The following TRDN variants were observed in gnomAD, a reference collection of about 807,000 sequenced individuals.
TRDN encodes triadin.
In TRDN, 161 loss-of-function variants were observed where a neutral mutation model predicts 149.7. The observed-to-expected ratio is 1.08, with a 90% CI of 0.95 to 1.23. The LOEUF is 1.23. Among genes scored for constraint, TRDN ranks in the 50% most tolerant of loss-of-function variants. TRDN has a pLI of 0.00. For synonymous variants in TRDN, 294 were observed against 250.5 expected, an observed-to-expected ratio of 1.17 and a Z score of -1.64; for missense variants, 896 against 823.5, an observed-to-expected ratio of 1.09 and a Z score of -1.08.
chr6:123,278,912 C>T, intron 25 of TRDN, 144 bp downstream of exon 25: 1 of 611,988 alleles, frequency 1.6e-6, no homozygotes, highest in Non-Finnish European at 2.5e-6. Context: ...AAAATGAGTA[C>T]ATTGTCTACA....
chr6:123,404,230 T>C (rs1773099260), intron 12 of TRDN, among the ~76,000 whole-genome samples: 1 of 152,184 alleles, frequency 6.6e-6, no homozygotes, highest in Non-Finnish European at 1.5e-5. Context: ...TGTACTGTGA[T>C]AGATGCCACA....
chr6:123,286,288 C>A (rs1777801053), intron 24 of TRDN, among the ~76,000 whole-genome samples: 4 of 151,988 alleles, frequency 2.6e-5, no homozygotes, highest in East Asian at 1.9e-4. Flanking sequence ...GCTCATCAAC[C>A]AATGAGTTGA....
At chr6:123,388,416 C>A (rs1007795746) in intron 14 of TRDN, 106 bp downstream of exon 14, 3 of 1,264,460 alleles carry the variant, frequency 2.4e-6, no homozygotes, top group East Asian at 5.1e-5. Flanking sequence ...CATAATAGAT[C>A]CAGTTATCCA....
At chr6:123,565,510 A>G (rs1208382776) in intron 2 of TRDN, among the ~76,000 whole-genome samples, 1 of 152,208 alleles carries the variant, frequency 6.6e-6, no homozygotes. Context: ...AAGACTTTGC[A>G]CACTGTCAAA....
intron 9 of TRDN, among the ~76,000 whole-genome samples, chr6:123,472,048 G>A (rs909774935): frequency 5.3e-5 from 8 of 152,268 alleles, no homozygotes; most frequent in East Asian, 1.9e-4. Flanking sequence ...TCTAACAAAG[G>A]TCATGCATTG....
intron 1 of TRDN, among the ~76,000 whole-genome samples, chr6:123,614,304 A>AC (rs1402728362): frequency 4.8e-5 from 7 of 146,680 alleles, no homozygotes; most frequent in African/African-American, 1.1e-4. Context: ...AAAAAACAAA[A>AC]AAAAAAAAAA....
At chr6:123,498,584 GA>G (rs775655951) in intron 8 of TRDN, 4 of 470,972 alleles carry the variant, frequency 8.5e-6, no homozygotes, top group South Asian at 6.2e-5. Context: ...TCCATGCATT[GA>G]TTTGCCCTTT....
chr6:123,224,402 C>T (rs576198747), intron 38 of TRDN, among the ~76,000 whole-genome samples: 50 of 151,762 alleles, frequency 3.3e-4, no homozygotes, highest in Non-Finnish European at 6.3e-4. Context: ...CCAACACCCA[C>T]CCCCAGGTTT....
intron 2 of TRDN, among the ~76,000 whole-genome samples, chr6:123,564,406 G>A (rs1452383364): frequency 5.9e-5 from 9 of 152,204 alleles, no homozygotes; most frequent in Non-Finnish European, 1.3e-4. Flanking sequence ...ATTCGTGTGT[G>A]TGTGTGTATA....
chr6:123,623,213 T>C (rs1785485593), intron 1 of TRDN, among the ~76,000 whole-genome samples: 1 of 152,062 alleles, frequency 6.6e-6, no homozygotes, highest in Admixed American at 6.6e-5. Flanking sequence ...AAGTAGCAAA[T>C]TGAGGCAAAC....
chr6:123,432,692 A>C (rs924104150), intron 12 of TRDN, among the ~76,000 whole-genome samples: 5 of 151,988 alleles, frequency 3.3e-5, no homozygotes, highest in Non-Finnish European at 7.4e-5. Flanking sequence ...TCCCATTCCA[A>C]CCTGACTTTA....
intron 38 of TRDN, among the ~76,000 whole-genome samples, chr6:123,250,468 T>G (rs1776335050): frequency 6.6e-6 from 1 of 152,138 alleles, no homozygotes; most frequent in African/African-American, 2.4e-5. Flanking sequence ...TTGTTTAGTT[T>G]CAAATATATA....
Position 123,224,863 on chromosome 6 carries a change from A to T in TRDN, c.1976-732T>A, listed in dbSNP as rs144489538. ...TTGGCAATGATTTTATGAATCTGAC[A>T]CTAAAAGTATAGGCAACAAAAGCAA... On this transcript the variant is annotated intron_variant, in intron 38 of 40. Coordinates refer to ENST00000334268, the MANE Select transcript of TRDN (RefSeq NM_006073.4). Among the ~76,000 whole-genome samples, 658 of 151,870 alleles carry T rather than the reference A, an allele frequency of 4.3e-3. 3 individuals carry two copies. Among genetic ancestry groups the T allele is most frequent in the Non-Finnish European group, 6.7e-3 (452 of 67,810 alleles).
At chr6:123,540,763 C>T (rs912910164) in intron 4 of TRDN, among the ~76,000 whole-genome samples, 1 of 152,108 alleles carries the variant, frequency 6.6e-6, no homozygotes, top group Admixed American at 6.5e-5. Flanking sequence ...CGTGATCTGC[C>T]CGCCTCGGCC....
intron 1 of TRDN, among the ~76,000 whole-genome samples, chr6:123,586,116 A>C (rs1292467938): frequency 6.6e-6 from 1 of 152,152 alleles, no homozygotes; most frequent in Non-Finnish European, 1.5e-5. Context: ...GAAAGAGTCT[A>C]AATGCTCACT....
intron 9 of TRDN, among the ~76,000 whole-genome samples, chr6:123,479,205 A>C (rs978865857): frequency 6.6e-6 from 1 of 152,162 alleles, no homozygotes; most frequent in Admixed American, 6.5e-5. Flanking sequence ...ACTTTAACTT[A>C]TATATTTGTG....
rs116039424 is a variant in TRDN at position 123,306,354 on chromosome 6, A to T, written c.1510+10103T>A. 1.0e-3 allele frequency among the ~76,000 whole-genome samples: 159 copies of T among 152,258 alleles called. 1 individual carries two copies. The highest frequency in any genetic ancestry group is 3.7e-3 in the African/African-American group (153 of 41,562). ...TCATCTTGGCATGAAGGGATAATTAAGCCTAACTGTAAAATGATTGATTAG... is the reference window on the plus strand; with the variant it reads ...TCATCTTGGCATGAAGGGATAATTATGCCTAACTGTAAAATGATTGATTAG... On this transcript the variant is annotated intron_variant, in intron 24 of 40. Transcript: ENST00000334268.
chr6:123,563,508 A>G (rs1782109716), intron 2 of TRDN, among the ~76,000 whole-genome samples: 1 of 152,172 alleles, frequency 6.6e-6, no homozygotes, highest in Non-Finnish European at 1.5e-5. Context: ...AATATAAACA[A>G]GATTTGAATC....
intron 22 of TRDN, among the ~76,000 whole-genome samples, chr6:123,334,864 A>C (rs891097932): frequency 1.3e-5 from 2 of 152,062 alleles, no homozygotes; most frequent in African/African-American, 4.8e-5. Flanking sequence ...GCTGGTTTTA[A>C]ACTTGAAGCA....
Sources: allele counts gnomAD v4.1 joint callset (sites outside exome capture counted in the v4.1 genomes callset), GRCh38; gene constraint gnomAD v4.1.1; transcripts MANE v1.5; gene names NCBI Gene and HGNC (gene_info 2026-07-23, HGNC 2026-07-21).